LRRC66: variants seen among roughly 807,000 people sequenced by gnomAD.
The protein encoded by LRRC66 is leucine rich repeat containing 66.
Under a neutral mutation model 24.6 loss-of-function variants are expected in LRRC66, and 29 were observed. The ratio of observed to expected loss-of-function variants is 1.18; its 90% confidence interval spans 0.88 to 1.61. The LOEUF (loss-of-function observed/expected upper bound fraction) is 1.61, where lower values mean the gene tolerates loss of function less well. LRRC66 is among the 40% of genes most tolerant of loss of function. The pLI, the probability that LRRC66 is intolerant of heterozygous loss-of-function variation, is 0.00. For synonymous variants in LRRC66, 411 were observed against 397.6 expected, an observed-to-expected ratio of 1.03 and a Z score of -0.40; for missense variants, 1,124 against 1,058.0, an observed-to-expected ratio of 1.06 and a Z score of -0.87.
rs751106077 is a variant in LRRC66, at chr4:51,996,143, GC to G, written c.878del (p.Gly293AlafsTer21). The G allele has an allele frequency of 4.1e-5, 66 of 1,610,654 alleles. No homozygotes were observed. Among genetic ancestry groups the G allele is most frequent in the Admixed American group, 1.0e-4 (6 of 59,700 alleles). ...CCCTGGAAATCCTGCTCTGGGGAGTGCCCCCGTTGGCCTCCTCACTCCCTGC... is the reference window on the plus strand; with the variant it reads ...CCCTGGAAATCCTGCTCTGGGGAGTGCCCCGTTGGCCTCCTCACTCCCTGC... The part of the protein sequence containing the change: ...RSIGSEEANG[G>X]TPQSRISRET... On this transcript the variant is annotated frameshift_variant, in exon 5 of 5. Coordinates refer to ENST00000682860, the MANE Select transcript of LRRC66 (RefSeq NM_001024611.3). LOFTEE classifies it low-confidence loss of function (END_TRUNC).
chr4:51,995,186 T>C lies in LRRC66; in HGVS notation c.1836A>G (p.Ser612=). ...AAAATTCCATCTGCGAGTCCCAAAG[T>C]GACTGTTCAGTGCCCCCTCTTTCCT... ...DSKERGGTEQ[S]LWDSQMEFSK... Residue 612 remains serine (S), a synonymous_variant, in exon 5 of 5, where the codon TCA becomes TCG. Coordinates refer to ENST00000682860, the MANE Select transcript of LRRC66 (RefSeq NM_001024611.3). 6.2e-7 allele frequency: 1 copy of C among 1,614,230 alleles called. No individual in the cohort carries two copies. Among genetic ancestry groups the C allele is most frequent in the Non-Finnish European group, 8.5e-7 (1 of 1,180,044 alleles).
At chr4:52,007,722 T>C (rs768165555) in intron 2 of LRRC66, among the ~76,000 whole-genome samples, 2 of 152,178 alleles carry the variant, frequency 1.3e-5, no homozygotes, top group Non-Finnish European at 2.9e-5. Flanking sequence ...AGTTTGGCCA[T>C]GTAATTTGCT....
intron 3 of LRRC66, among the ~76,000 whole-genome samples, chr4:51,999,560 G>A (rs778635726): frequency 1.8e-4 from 28 of 152,104 alleles, no homozygotes; most frequent in Admixed American, 1.3e-4. Context: ...CTTATGTATC[G>A]CTTGACAACA....
chr4:51,994,857 C>T lies in LRRC66; in HGVS notation c.2165G>A (p.Arg722Lys). Residue 722 changes from arginine to lysine, a missense_variant, in exon 5 of 5, where the codon AGG becomes AAG. Physicochemically the swap from Arg to Lys is conservative, Grantham distance 26. Transcript: ENST00000682860. ...AGGCACTGCCTCTTCAGTCTTGCTC[C>T]TTGCACTCTCTGAACTTATGGAGCT... ...TLSSISSESA[R>K]SKTEEAVPDE... 1 of 1,614,226 alleles carries T rather than the reference C, an allele frequency of 6.2e-7. No homozygotes were observed. Among genetic ancestry groups the T allele is most frequent in the Non-Finnish European group, 8.5e-7 (1 of 1,180,044 alleles).
rs771239248 is a variant in LRRC66, at chr4:51,996,089, A to G, written c.933T>C (p.His311=). 1.2e-6 allele frequency: 2 copies of G among 1,613,860 alleles called. No individual in the cohort carries two copies. Among genetic ancestry groups the G allele is most frequent in the Non-Finnish European group, 1.7e-6 (2 of 1,179,988 alleles). The change falls in exon 5 of 5, where the codon CAT becomes CAC. Residue 311 remains histidine, a synonymous_variant. Coordinates refer to ENST00000682860, the MANE Select transcript of LRRC66 (RefSeq NM_001024611.3). The part of the protein sequence containing the change: ...RETRLPPIHL[H]RMKSLIRSKA... Reference sequence around the variant, plus strand: ...TGCTCCTTATGAGGCTTTTCATGCGATGCAGATGAATGGGAGGAAGGCGGG... The same window carrying G: ...TGCTCCTTATGAGGCTTTTCATGCGGTGCAGATGAATGGGAGGAAGGCGGG...
At chr4:52,003,753 A>G (rs1477471519) in intron 2 of LRRC66, among the ~76,000 whole-genome samples, 1 of 152,220 alleles carries the variant, frequency 6.6e-6, no homozygotes, top group Non-Finnish European at 1.5e-5. Flanking sequence ...GGTTGAGTTG[A>G]GGGAAGTGAA....
In LRRC66 at chr4:51,994,750, T is replaced by C; in HGVS notation, c.2272A>G (p.Thr758Ala). The C allele has an allele frequency of 6.2e-7, 1 of 1,614,180 alleles. No individual in the cohort carries two copies. The highest frequency in any genetic ancestry group is 8.5e-7 in the Non-Finnish European group (1 of 1,180,024). ...TAVDSLEENVTFQTIPGKCKN... is the reference protein window; with the variant it reads ...TAVDSLEENVAFQTIPGKCKN... ...CATTTCCCTGGAATTGTTTGGAAGG[T>C]AACATTTTCCTCAAGACTGTCTACA... The change falls in exon 5 of 5, where the codon ACC (threonine) becomes GCC (alanine). Residue 758 changes from threonine (T) to alanine (A), a missense_variant. Thr to Ala is a moderately conservative substitution (Grantham distance 58, BLOSUM62 0). Transcript: ENST00000682860.
Position 51,993,686 on chromosome 4 carries a change from G to A in LRRC66, c.*693C>T, listed in dbSNP as rs1464527313. On this transcript the variant is annotated 3_prime_UTR_variant, in exon 5 of 5. Coordinates refer to ENST00000682860, the MANE Select transcript of LRRC66 (RefSeq NM_001024611.3). ...AATTTACACTTTATTCTAAAAAGTG[G>A]CCCCTCTTCTCTTTTAACATAACTT... 1 of 152,022 alleles carries A rather than the reference G, an allele frequency of 6.6e-6. No individual in the cohort carries two copies. The highest frequency in any genetic ancestry group is 2.1e-4 in the South Asian group (1 of 4,804). 9.4% of individuals were successfully genotyped at this position (152,022 alleles called of 1,614,324 possible).
intron 1 of LRRC66, among the ~76,000 whole-genome samples, chr4:52,019,422 G>A (rs1736894835): frequency 6.6e-6 from 1 of 151,942 alleles, no homozygotes; most frequent in Admixed American, 6.6e-5. Context: ...TTAATAGTCT[G>A]CAGTCTGTCA....
At chr4:51,999,191 T>C (rs2110193505) in intron 3 of LRRC66, among the ~76,000 whole-genome samples, 1 of 152,202 alleles carries the variant, frequency 6.6e-6, no homozygotes, top group Admixed American at 6.5e-5. Context: ...AAGATGAAAA[T>C]ACAGTCCTTG....
chr4:52,000,070 C>CT (rs368392486), intron 3 of LRRC66, among the ~76,000 whole-genome samples: 58 of 152,256 alleles, frequency 3.8e-4, no homozygotes, highest in African/African-American at 1.3e-3. Context: ...TGATATTCAG[C>CT]TTTTTTGGTA....
At position 52,017,322 on chromosome 4, in the gene LRRC66, A is replaced by G; in HGVS notation, c.292T>C (p.Ser98Pro). ...GCAAAAGGGCTTAAGGTTATTTTTG[A>G]TATGAGATTGTTACTGAGGTCCAGA... ...KHLDLSNNLI[S>P]KITLSPFAYL... The change falls in exon 2 of 5, where the codon TCA (serine) becomes CCA (proline). Residue 98 changes from serine to proline, a missense_variant. Transcript: ENST00000682860. 6.2e-7 allele frequency: 1 copy of G among 1,614,102 alleles called. No individual in the cohort carries two copies.
rs753348832 is a variant in LRRC66 at position 52,003,259 on chromosome 4, A to G, written c.630T>C (p.Ile210=). The G allele has an allele frequency of 1.5e-5, 25 of 1,613,060 alleles. No homozygotes were observed. Among genetic ancestry groups the G allele is most frequent in the Non-Finnish European group, 1.9e-5 (23 of 1,179,752 alleles). ...LCLKSNKIFK[I]PPQAFKDLKK... ...TGAGGTCCTTGAAGGCTTGTGGGGG[A>G]ATTTTGAATATCTTGTTGCTCTTTA... The change falls in exon 3 of 5, where the codon ATT becomes ATC. Residue 210 remains isoleucine (I), a synonymous_variant. Coordinates refer to ENST00000682860, the MANE Select transcript of LRRC66 (RefSeq NM_001024611.3).
intron 1 of LRRC66, among the ~76,000 whole-genome samples, chr4:52,018,965 C>T (rs1056448571): frequency 2.6e-5 from 4 of 152,234 alleles, no homozygotes; most frequent in African/African-American, 9.6e-5. Context: ...CAACCTCCGC[C>T]TCCCGGGTTC....
At chr4:52,010,781 C>CT (rs375533303) in intron 2 of LRRC66, among the ~76,000 whole-genome samples, 58 of 152,180 alleles carry the variant, frequency 3.8e-4, no homozygotes, top group African/African-American at 1.3e-3. Flanking sequence ...GTGCATGTGT[C>CT]TTTTTTGTAG....
Position 51,995,519 on chromosome 4 carries a change from A to G in LRRC66, c.1503T>C (p.Asn501=). Residue 501 remains asparagine, a synonymous_variant, in exon 5 of 5, where the codon AAT becomes AAC. Coordinates refer to ENST00000682860, the MANE Select transcript of LRRC66 (RefSeq NM_001024611.3). The part of the protein sequence containing the change: ...CGDNTGAGSG[N]DGAVYSILQR... ...GGAGAATGGAATAGACTGCACCATC[A>G]TTTCCACTTCCTGCCCCGGTGTTGT... is the stretch of plus-strand genomic sequence containing the variant. The G allele has an allele frequency of 6.2e-7, 1 of 1,614,046 alleles. No individual in the cohort carries two copies. Among genetic ancestry groups the G allele is most frequent in the Non-Finnish European group, 8.5e-7 (1 of 1,180,004 alleles).
Position 51,994,869 on chromosome 4 carries a change from G to A in LRRC66, c.2153C>T (p.Ser718Leu), listed in dbSNP as rs769974830. The part of the protein sequence containing the change: ...GSLFTLSSIS[S>L]ESARSKTEEA... ...TTCAGTCTTGCTCCTTGCACTCTCT[G>A]AACTTATGGAGCTCAGAGTGAACAG... The change falls in exon 5 of 5, where the codon TCA (serine) becomes TTA (leucine). Residue 718 changes from serine (S) to leucine (L), a missense_variant. Coordinates refer to ENST00000682860, the MANE Select transcript of LRRC66 (RefSeq NM_001024611.3). The A allele has an allele frequency of 2.5e-6, 4 of 1,614,150 alleles. No homozygotes were observed. The highest frequency in any genetic ancestry group is 1.3e-5 in the African/African-American group (1 of 75,038).
At chr4:52,005,797 C>G (rs1403741135) in intron 2 of LRRC66, among the ~76,000 whole-genome samples, 1 of 152,204 alleles carries the variant, frequency 6.6e-6, no homozygotes, top group African/African-American at 2.4e-5. Context: ...CTTCTCCCTT[C>G]CCTCAGTCCA....
At chr4:52,005,851 T>G (rs993074640) in intron 2 of LRRC66, among the ~76,000 whole-genome samples, 2 of 152,170 alleles carry the variant, frequency 1.3e-5, no homozygotes, top group Non-Finnish European at 2.9e-5. Context: ...CATCCAACTG[T>G]GGAGCCCAGG....
Sources: allele counts gnomAD v4.1 joint callset (sites outside exome capture counted in the v4.1 genomes callset), GRCh38; gene constraint gnomAD v4.1.1; transcripts MANE v1.5; gene names NCBI Gene and HGNC (gene_info 2026-07-23, HGNC 2026-07-21).